Variants in CRACR2A observed in about 807,000 individuals in gnomAD.
CRACR2A encodes the protein calcium release activated channel regulator 2A.
In CRACR2A, 79 loss-of-function variants were observed where a neutral mutation model predicts 90.5. The observed-to-expected ratio is 0.87, with a 90% confidence interval of 0.73 to 1.05. The LOEUF is 1.05. Among genes scored for constraint, CRACR2A ranks in the 50% least tolerant of loss-of-function variants. CRACR2A has a pLI of 0.00. For synonymous variants in CRACR2A, 338 were observed against 356.7 expected, an observed-to-expected ratio of 0.95 and a Z score of 0.59; for missense variants, 823 against 897.2, an observed-to-expected ratio of 0.92 and a Z score of 1.06.
At chr12:3,678,194 T>C (rs1006948934) in intron 6 of CRACR2A, among the ~76,000 whole-genome samples, 1 of 152,194 alleles carries the variant, frequency 6.6e-6, no homozygotes, top group Admixed American at 6.5e-5. Flanking sequence ...TAACACCACA[T>C]TTTCCTTATT....
intron 2 of CRACR2A, among the ~76,000 whole-genome samples, chr12:3,718,531 C>T (rs75247560): frequency 6.6e-6 from 1 of 152,210 alleles, no homozygotes; most frequent in African/African-American, 2.4e-5. Context: ...TGTGGACAGT[C>T]TAAAGTGAGA....
At chr12:3,722,791 C>G (rs1399020270) in intron 2 of CRACR2A, among the ~76,000 whole-genome samples, 1 of 152,150 alleles carries the variant, frequency 6.6e-6, no homozygotes, top group African/African-American at 2.4e-5. Flanking sequence ...CAGACACTTT[C>G]ATGAAAATGT....
In CRACR2A at chr12:3,733,187, G is replaced by A. The variant is rs1278768558; in HGVS notation, c.-363C>T. 1 of 152,560 alleles carries A rather than the reference G, an allele frequency of 6.6e-6. No homozygotes were observed. The highest frequency in any genetic ancestry group is 1.9e-4 in the East Asian group (1 of 5,184). The allele number at this position is 152,560 out of a possible 1,614,324, so 9.5% of individuals were successfully genotyped here. ...GGTGGCTCCGTGCCAGCCTCCTGAA[G>A]GGCAGCTGTGGTCAGGGCATGACCT... On this transcript the variant is annotated 5_prime_UTR_variant, in exon 2 of 20. Transcript: ENST00000440314.
intron 7 of CRACR2A, among the ~76,000 whole-genome samples, chr12:3,670,441 C>T (rs1004368197): frequency 2.6e-5 from 4 of 152,168 alleles, no homozygotes; most frequent in African/African-American, 7.2e-5. Context: ...CCACAAACAA[C>T]CTCACACCTC....
intron 2 of CRACR2A, among the ~76,000 whole-genome samples, chr12:3,714,918 C>T (rs1946060369): frequency 6.6e-6 from 1 of 152,232 alleles, no homozygotes; most frequent in Non-Finnish European, 1.5e-5. Flanking sequence ...ATGCCTGACC[C>T]TCAGGTCCCT....
intron 2 of CRACR2A, among the ~76,000 whole-genome samples, chr12:3,724,354 ACT>A (rs779737228): frequency 5.3e-5 from 8 of 152,126 alleles, no homozygotes; most frequent in Non-Finnish European, 1.2e-4. Flanking sequence ...GTCAGCGAGG[ACT>A]CTGCTTTCAT....
At chr12:3,713,421 C>T (rs1414906849) in intron 2 of CRACR2A, 104 bp from the exon 3 acceptor site, 2 of 389,912 alleles carry the variant, frequency 5.1e-6, no homozygotes, top group African/African-American at 4.4e-5. Flanking sequence ...AAACATTGCT[C>T]CTACCGCATT....
chr12:3,738,912 T>G (rs1158021919), intron 1 of CRACR2A, among the ~76,000 whole-genome samples: 1 of 152,152 alleles, frequency 6.6e-6, no homozygotes, highest in Non-Finnish European at 1.5e-5. Flanking sequence ...TCATCAGTGA[T>G]GAACAAGACA....
chr12:3,743,310 A>G (rs1470771762), intron 1 of CRACR2A, among the ~76,000 whole-genome samples: 1 of 152,232 alleles, frequency 6.6e-6, no homozygotes, highest in Non-Finnish European at 1.5e-5. Flanking sequence ...ATGTACTAAA[A>G]CTGCATTCCT....
chr12:3,681,680 A>AT (rs1349246635), intron 4 of CRACR2A, among the ~76,000 whole-genome samples: 4 of 152,338 alleles, frequency 2.6e-5, no homozygotes, highest in Middle Eastern at 3.4e-3. Context: ...AAAACAATGA[A>AT]TGCGGGGCTT....
intron 10 of CRACR2A, among the ~76,000 whole-genome samples, chr12:3,653,170 A>G (rs1157315006): frequency 6.6e-6 from 1 of 152,052 alleles, no homozygotes; most frequent in Non-Finnish European, 1.5e-5. Context: ...TTTAGTAGAG[A>G]TGGGGTTTCA....
intron 4 of CRACR2A, among the ~76,000 whole-genome samples, chr12:3,682,939 C>T (rs1424826020): frequency 7.9e-5 from 12 of 152,188 alleles, no homozygotes; most frequent in African/African-American, 2.9e-4. Context: ...CCCACCACCA[C>T]ACCCAGTTAA....
At position 3,656,192 on chromosome 12, in the gene CRACR2A, G is replaced by T. The variant is rs557161691; in HGVS notation, c.858+119C>A. The T allele has an allele frequency of 8.8e-6, 8 of 906,410 alleles. No homozygotes were observed. The African/African-American group carries it at 1.2e-4, about 13-fold the overall frequency. 56.1% of individuals were successfully genotyped at this position (906,410 alleles called of 1,614,324 possible). On this transcript the variant is annotated intron_variant, in intron 9 of 19. Coordinates refer to ENST00000440314, the MANE Select transcript of CRACR2A (RefSeq NM_001144958.2). ...ATGCTATCTTTTGCGCGACTAAATAGTTCTTCTCAGGTTAAAAACTCAAAA... is the reference window on the plus strand; with the variant it reads ...ATGCTATCTTTTGCGCGACTAAATATTTCTTCTCAGGTTAAAAACTCAAAA...
chr12:3,687,941 A>T (rs1945591700), intron 4 of CRACR2A, among the ~76,000 whole-genome samples: 1 of 152,144 alleles, frequency 6.6e-6, no homozygotes, highest in Admixed American at 6.5e-5. Context: ...TCTAGTGATC[A>T]GTGATGACCT....
intron 7 of CRACR2A, among the ~76,000 whole-genome samples, chr12:3,666,094 G>C (rs1377956683): frequency 6.6e-6 from 1 of 152,060 alleles, no homozygotes. Context: ...GTGGGGAGGA[G>C]GGGGGAGTTA....
At chr12:3,628,352 A>G (rs80003140) in intron 15 of CRACR2A, among the ~76,000 whole-genome samples, 45,002 of 151,964 alleles carry the variant, frequency 0.3, 6,970 homozygotes, top group Middle Eastern at 0.38. Flanking sequence ...AGGAAGAAGA[A>G]GGAGAGGAGG....
chr12:3,722,567 T>TA (rs1309960555), intron 2 of CRACR2A, among the ~76,000 whole-genome samples: 35 of 152,244 alleles, frequency 2.3e-4, no homozygotes, highest in Non-Finnish European at 4.9e-4. Context: ...AGGTAGCACT[T>TA]ACAGCTGAGG....
chr12:3,640,406 T>C, intron 13 of CRACR2A: 1 of 753,594 alleles, frequency 1.3e-6, no homozygotes, highest in South Asian at 2.3e-5. Flanking sequence ...AGTGAGCATT[T>C]AATAATGGAG....
intron 11 of CRACR2A, among the ~76,000 whole-genome samples, chr12:3,645,222 T>C (rs184774689): frequency 1.1e-4 from 16 of 152,310 alleles, no homozygotes; most frequent in Non-Finnish European, 1.6e-4. Flanking sequence ...GTATTTCAAC[T>C]ACAGTGGTCA....
Sources: allele counts gnomAD v4.1 joint callset (sites outside exome capture counted in the v4.1 genomes callset), GRCh38; gene constraint gnomAD v4.1.1; transcripts MANE v1.5; gene names NCBI Gene and HGNC (gene_info 2026-07-23, HGNC 2026-07-21).